Variants in N4BP1 observed in about 807,000 individuals in gnomAD.
N4BP1 encodes the protein NEDD4-binding protein 1.
In N4BP1, 21 loss-of-function variants were observed where a neutral mutation model predicts 70.9. The observed-to-expected ratio is 0.30, with a 90% CI of 0.21 to 0.43. The LOEUF (loss-of-function observed/expected upper bound fraction) is 0.43, where lower values mean the gene tolerates loss of function less well. Ranked by LOEUF, N4BP1 falls within the 20% of genes least tolerant of loss-of-function variation. The pLI, the probability that N4BP1 is intolerant of heterozygous loss-of-function variation, is 1.00. For synonymous variants in N4BP1, 387 were observed against 394.6 expected (o/e 0.98, Z 0.23); for missense variants, 936 against 1,069.4 (o/e 0.88, Z 1.74).
chr16:48,586,581 T>G (rs780693863), intron 1 of N4BP1, among the ~76,000 whole-genome samples: 1 of 152,228 alleles, frequency 6.6e-6, no homozygotes, highest in Non-Finnish European at 1.5e-5. Flanking sequence ...ATAATAGTTT[T>G]GAGATTAATC....
At chr16:48,580,653 T>G (rs540407407) in intron 1 of N4BP1, among the ~76,000 whole-genome samples, 8 of 152,166 alleles carry the variant, frequency 5.3e-5, no homozygotes, top group Non-Finnish European at 1.2e-4. Flanking sequence ...CCAATATCCC[T>G]GATGAACACA....
chr16:48,609,372 G>A (rs1964639824), intron 1 of N4BP1, among the ~76,000 whole-genome samples: 1 of 152,326 alleles, frequency 6.6e-6, no homozygotes, highest in South Asian at 2.1e-4. Flanking sequence ...GGGGATAAAG[G>A]CTTAGGTGGT....
chr16:48,562,339 A>G lies in N4BP1; in HGVS notation c.304T>C (p.Leu102=). Residue 102 remains leucine (L), a synonymous_variant, in exon 2 of 7, where the codon TTG becomes CTG. Transcript: ENST00000262384. The stretch of plus-strand genomic sequence containing the variant: ...AGGTCAGCACAAGTATCCTGAATCA[A>G]GCTTTTCAGAAACAGGCTCTCTGCC... The part of the protein sequence containing the change: ...VGAESLFLKS[L]IQDTCADLCI... 1 of 1,613,918 alleles carries G rather than the reference A, an allele frequency of 6.2e-7. No individual in the cohort carries two copies. The highest frequency in any genetic ancestry group is 1.1e-5 in the South Asian group (1 of 91,076).
chr16:48,602,717 T>C (rs1964520037), intron 1 of N4BP1, among the ~76,000 whole-genome samples: 1 of 152,018 alleles, frequency 6.6e-6, no homozygotes, highest in African/African-American at 2.4e-5. Flanking sequence ...AATTCTTTCC[T>C]TCATGAACAA....
intron 1 of N4BP1, among the ~76,000 whole-genome samples, chr16:48,574,072 T>C (rs1018792527): frequency 2.6e-5 from 4 of 152,196 alleles, no homozygotes; most frequent in Admixed American, 2.6e-4. Context: ...TATAATTCTT[T>C]AGGTAACCAT....
intron 1 of N4BP1, among the ~76,000 whole-genome samples, chr16:48,604,948 G>C (rs545972914): frequency 3.9e-5 from 6 of 152,032 alleles, no homozygotes; most frequent in African/African-American, 9.6e-5. Flanking sequence ...CCCTCTTCCC[G>C]ACCACCCCAC....
chr16:48,547,017 A>G (rs1298774939), intron 5 of N4BP1, among the ~76,000 whole-genome samples: 1 of 152,192 alleles, frequency 6.6e-6, no homozygotes, highest in Non-Finnish European at 1.5e-5. Flanking sequence ...TGGTTCAGCT[A>G]TCAACAACAG....
intron 6 of N4BP1, among the ~76,000 whole-genome samples, chr16:48,545,356 G>A (rs1242722840): frequency 6.6e-6 from 1 of 151,412 alleles, no homozygotes; most frequent in African/African-American, 2.4e-5. Flanking sequence ...GATCACCTGA[G>A]GTCAGGAGTT....
In N4BP1 at chr16:48,541,654, G is replaced by T. The variant is rs1224824312; in HGVS notation, c.*1250C>A. On this transcript the variant is annotated 3_prime_UTR_variant, in exon 7 of 7. Transcript: ENST00000262384. ...CAAGCCGACTGTGAGCAGCCTGGGG[G>T]CGCAGGTGTAAAATACAAAGCCCTT... The T allele has an allele frequency of 6.6e-6, 1 of 152,328 alleles. No homozygotes were observed. Among genetic ancestry groups the T allele is most frequent in the African/African-American group, 2.4e-5 (1 of 41,460 alleles). 9.4% of individuals were successfully genotyped at this position (152,328 alleles called of 1,614,324 possible).
chr16:48,552,452 C>A (rs1375558031), intron 3 of N4BP1, among the ~76,000 whole-genome samples: 2 of 151,870 alleles, frequency 1.3e-5, no homozygotes, highest in Non-Finnish European at 2.9e-5. Context: ...GTAATCCCAG[C>A]ACTTTGGGAG....
intron 1 of N4BP1, among the ~76,000 whole-genome samples, chr16:48,591,167 C>T (rs935040698): frequency 6.6e-6 from 1 of 152,292 alleles, no homozygotes; most frequent in Non-Finnish European, 1.5e-5. Flanking sequence ...AGCAATAGAA[C>T]CTGCTGAATG....
At chr16:48,551,581 G>A (rs946371100) in intron 3 of N4BP1, 99 bp from the exon 4 acceptor site, 3 of 796,428 alleles carry the variant, frequency 3.8e-6, no homozygotes, top group South Asian at 2.2e-5. Flanking sequence ...TTGGAGAGCT[G>A]TAGAAAACCT....
chr16:48,551,781 G>A (rs533434610), intron 3 of N4BP1, among the ~76,000 whole-genome samples: 10 of 152,340 alleles, frequency 6.6e-5, no homozygotes, highest in African/African-American at 2.2e-4. Flanking sequence ...CACTTTGGGA[G>A]GCTGAGGCAG....
Position 48,542,940 on chromosome 16 carries a change from T to C in N4BP1, c.2655A>G (p.Lys885=), listed in dbSNP as rs1188585333. 5 of 1,612,436 alleles carry C rather than the reference T, an allele frequency of 3.1e-6. No homozygotes were observed. Among genetic ancestry groups the C allele is most frequent in the Middle Eastern group, 1.7e-4 (1 of 5,962 alleles). ...DQILVAHPYM[K]DLNALSAMVL... Reference sequence around the variant, plus strand: ...CCATGGCAGAAAGCGCATTTAGATCTTTCATGTATGGGTGGGCCACCAAGA... The same window carrying C: ...CCATGGCAGAAAGCGCATTTAGATCCTTCATGTATGGGTGGGCCACCAAGA... Residue 885 remains lysine (K), a synonymous_variant, in exon 7 of 7, where the codon AAA becomes AAG. Transcript: ENST00000262384.
At chr16:48,553,093 C>A (rs1350160113) in intron 3 of N4BP1, among the ~76,000 whole-genome samples, 2 of 152,138 alleles carry the variant, frequency 1.3e-5, no homozygotes, top group East Asian at 3.8e-4. Context: ...AAGTTCAAAT[C>A]TTTCGTGTGT....
intron 6 of N4BP1, among the ~76,000 whole-genome samples, chr16:48,545,349 C>A (rs1415680968): frequency 6.6e-6 from 1 of 151,292 alleles, no homozygotes; most frequent in African/African-American, 2.4e-5. Context: ...GCGGGTGGAT[C>A]ACCTGAGGTC....
intron 2 of N4BP1, among the ~76,000 whole-genome samples, chr16:48,557,689 C>T (rs894609110): frequency 6.6e-6 from 1 of 152,146 alleles, no homozygotes; most frequent in African/African-American, 2.4e-5. Context: ...ATGCCTATAG[C>T]CTCAGCTACT....
At position 48,609,864 on chromosome 16, in the gene N4BP1, C is replaced by A. The variant is rs1010002326; in HGVS notation, c.109G>T (p.Val37Leu). The A allele has an allele frequency of 6.7e-7, 1 of 1,486,800 alleles. No individual in the cohort carries two copies. The highest frequency in any genetic ancestry group is 8.9e-7 in the Non-Finnish European group (1 of 1,122,270). 92.1% of individuals were successfully genotyped at this position (1,486,800 alleles called of 1,614,324 possible). A position where few individuals can be genotyped will look rare whatever the true frequency, so the allele number is the denominator to read the frequency against. The change falls in exon 1 of 7, where the codon GTG becomes TTG. Residue 37 changes from valine (V) to leucine (L), a missense_variant. Transcript: ENST00000262384. ...IEGLFGVSLA[V>L]LGALGAEEPL... The stretch of plus-strand genomic sequence containing the variant: ...TCCTCAGCCCCTAGCGCGCCGAGCA[C>A]GGCTAGGCTCACGCCAAACAGGCCC...
intron 4 of N4BP1, 134 bp from the exon 5 acceptor site, chr16:48,548,248 GTTT>G: frequency 4.9e-6 from 3 of 617,750 alleles, no homozygotes; most frequent in Non-Finnish European, 8.7e-6. Flanking sequence ...CCACAGAAAA[GTTT>G]AGCCCCTATC....
Sources: allele counts gnomAD v4.1 joint callset (sites outside exome capture counted in the v4.1 genomes callset), GRCh38; gene constraint gnomAD v4.1.1; transcripts MANE v1.5; gene names NCBI Gene and HGNC (gene_info 2026-07-23, HGNC 2026-07-21).